MYO1B: variants seen among roughly 807,000 people sequenced by gnomAD.
MYO1B encodes unconventional myosin-Ib.
A neutral mutation model predicts 159.7 loss-of-function variants in MYO1B; 72 were observed. The ratio of observed to expected loss-of-function variants is 0.45; its 90% confidence interval spans 0.37 to 0.55. The LOEUF (loss-of-function observed/expected upper bound fraction) is 0.55, where lower values mean the gene tolerates loss of function less well. MYO1B is among the 20% of genes least tolerant of loss of function. MYO1B has a pLI of 0.00. For missense variants in MYO1B, 1,062 were observed against 1,364.8 expected, an observed-to-expected ratio of 0.78 and a Z score of 3.50; for synonymous variants, 468 against 473.8, an observed-to-expected ratio of 0.99 and a Z score of 0.16.
rs754714585 is a variant in MYO1B at position 191,381,483 on chromosome 2, A to G, written c.1207A>G (p.Ile403Val). Reference protein sequence around the residue: ...IFEDNSFEQFIINYCNEKLQQ... With the variant: ...IFEDNSFEQFVINYCNEKLQQ... ...ACAGGACAACAGCTTTGAGCAGTTC[A>G]TTATTAATTATTGTAACGAAAAGCT... Residue 403 changes from isoleucine to valine, a missense_variant, in exon 14 of 31, where the codon ATT (isoleucine) becomes GTT (valine). By Grantham distance (29) the Ile-to-Val change is conservative. Around this residue, in one of 5 missense-constraint regions of MYO1B, gnomAD observed 415 missense variants for 544.0 expected, o/e 0.76. Transcript: ENST00000392318. 1.7e-5 allele frequency: 28 copies of G among 1,613,528 alleles called. No individual in the cohort carries two copies. The highest frequency in any genetic ancestry group is 2.3e-5 in the Non-Finnish European group (27 of 1,179,704).
chr2:191,401,482 T>G (rs998505260), intron 23 of MYO1B: 1 of 152,202 alleles, frequency 6.6e-6, no homozygotes, highest in African/African-American at 2.4e-5. Flanking sequence ...ATACTCTCAC[T>G]AATCCCCAGG....
intron 17 of MYO1B, 125 bp from the exon 18 acceptor site, chr2:191,390,167 C>G: frequency 1.2e-6 from 1 of 822,206 alleles, no homozygotes; most frequent in East Asian, 2.7e-5. Context: ...AAAGTAATGA[C>G]TAGGTTTCTT....
chr2:191,349,870 A>G (rs542769804), intron 6 of MYO1B, among the ~76,000 whole-genome samples: 1 of 152,354 alleles, frequency 6.6e-6, no homozygotes, highest in African/African-American at 2.4e-5. Flanking sequence ...AATTGAGTAC[A>G]TATCCTCCAG....
chr2:191,345,011 C>T (rs1261623181), intron 5 of MYO1B, among the ~76,000 whole-genome samples: 1 of 152,144 alleles, frequency 6.6e-6, no homozygotes, highest in African/African-American at 2.4e-5. Context: ...CCGTAGTTCT[C>T]ATTTGAACAC....
chr2:191,285,377 T>C (rs1381997070), intron 2 of MYO1B, among the ~76,000 whole-genome samples: 1 of 152,152 alleles, frequency 6.6e-6, no homozygotes, highest in Non-Finnish European at 1.5e-5. Context: ...GAGTATAATA[T>C]GATGGTAGTG....
chr2:191,373,561 G>A (rs2126048030), intron 13 of MYO1B, among the ~76,000 whole-genome samples: 1 of 152,316 alleles, frequency 6.6e-6, no homozygotes, highest in South Asian at 2.1e-4. Flanking sequence ...GGATCACGAG[G>A]TCAGGAGATC....
At chr2:191,423,796 G>C in intron 30 of MYO1B, 41 bp from the exon 31 acceptor site, 1 of 1,589,168 alleles carries the variant, frequency 6.3e-7, no homozygotes, top group Non-Finnish European at 8.6e-7. Context: ...ATCATGAGCT[G>C]TTTTGTGTAT....
intron 3 of MYO1B, among the ~76,000 whole-genome samples, chr2:191,322,964 C>T (rs1371420701): frequency 6.6e-6 from 1 of 152,110 alleles, no homozygotes; most frequent in Non-Finnish European, 1.5e-5. Flanking sequence ...GTGGTTATTT[C>T]TTGATCATGT....
intron 2 of MYO1B, among the ~76,000 whole-genome samples, chr2:191,293,359 T>C (rs1459321267): frequency 6.6e-6 from 1 of 152,222 alleles, no homozygotes; most frequent in Non-Finnish European, 1.5e-5. Context: ...ATGGTAATGT[T>C]ACCGGAAAGG....
At position 191,387,958 on chromosome 2, in the gene MYO1B, AATCTGAATT is replaced by A. The variant is rs1215004107; in HGVS notation, c.1781+509_1781+517del. 7.9e-5 allele frequency: 13 copies of A among 164,264 alleles called. No homozygotes were observed. In the East Asian group the frequency reaches 2.2e-3, roughly 28 times the overall value. 10.2% of individuals were successfully genotyped at this position (164,264 alleles called of 1,614,324 possible). A position where few individuals can be genotyped will look rare whatever the true frequency, so the allele number is the denominator to read the frequency against. On this transcript the variant is annotated intron_variant, in intron 17 of 30. Coordinates refer to ENST00000392318, the MANE Select transcript of MYO1B (RefSeq NM_001130158.3). ...TGGAGAAAGTAATGATTCCTAAAGC[AATCTGAATT>A]TTTTTCAAGGCAGTAGAAAGACCTT...
At chr2:191,387,508 T>G (rs537751926) in intron 17 of MYO1B, 58 bp downstream of exon 17, 1 of 1,471,732 alleles carries the variant, frequency 6.8e-7, no homozygotes, top group African/African-American at 1.4e-5. Context: ...CGAAGGAATA[T>G]CATTTTTCCC....
At chr2:191,413,074 C>T (rs935371688) in intron 27 of MYO1B, among the ~76,000 whole-genome samples, 3 of 152,134 alleles carry the variant, frequency 2.0e-5, no homozygotes, top group African/African-American at 7.2e-5. Context: ...GCCATGATCA[C>T]CTCAAAAATA....
chr2:191,279,641 G>A (rs1687937969), intron 2 of MYO1B, among the ~76,000 whole-genome samples: 1 of 152,022 alleles, frequency 6.6e-6, no homozygotes, highest in South Asian at 2.1e-4. Flanking sequence ...CTTTGCCTTT[G>A]TTCATGGGTT....
At chr2:191,390,919 G>C (rs59840111) in intron 18 of MYO1B, among the ~76,000 whole-genome samples, 2,405 of 152,314 alleles carry the variant, frequency 0.016, 62 homozygotes, top group African/African-American at 0.054. Context: ...TAGACGATAC[G>C]AGCAGGTAGG....
In MYO1B at chr2:191,390,837, AT is replaced by A. The variant is rs140365107; in HGVS notation, c.1982+348del. 6.0e-3 allele frequency among the ~76,000 whole-genome samples: 921 copies of A among 152,354 alleles called. 2 individuals are homozygous for A. Among genetic ancestry groups the A allele is most frequent in the Non-Finnish European group, 8.3e-3 (564 of 68,030 alleles). ...CCACTTGTCACTTTTCCCATGAAGA[AT>A]TTGGCTGCAGAGAGAATCAGTGGAT... is the stretch of plus-strand genomic sequence containing the variant. On this transcript the variant is annotated intron_variant, in intron 18 of 30. Coordinates refer to ENST00000392318, the MANE Select transcript of MYO1B (RefSeq NM_001130158.3).
At chr2:191,248,927 C>A (rs1373018613) in intron 1 of MYO1B, among the ~76,000 whole-genome samples, 1 of 152,100 alleles carries the variant, frequency 6.6e-6, no homozygotes, top group African/African-American at 2.4e-5. Context: ...GTTTGGAAGC[C>A]CAGGTTAGGA....
chr2:191,420,419 G>A (rs375612955), intron 30 of MYO1B, among the ~76,000 whole-genome samples: 1 of 152,100 alleles, frequency 6.6e-6, no homozygotes, highest in Non-Finnish European at 1.5e-5. Flanking sequence ...TCATGGTAAG[G>A]GCGCTAGACA....
chr2:191,397,047 G>A (rs1021549487), intron 21 of MYO1B, among the ~76,000 whole-genome samples: 3 of 147,582 alleles, frequency 2.0e-5, no homozygotes, highest in African/African-American at 5.0e-5. Context: ...GCCTGCTTGC[G>A]TGTTCTCATA....
chr2:191,290,885 A>G (rs1329568219), intron 2 of MYO1B, among the ~76,000 whole-genome samples: 1 of 152,234 alleles, frequency 6.6e-6, no homozygotes, highest in Non-Finnish European at 1.5e-5. Context: ...AATAGAAGAT[A>G]AGCCAACAGC....
Sources: allele counts gnomAD v4.1 joint callset (sites outside exome capture counted in the v4.1 genomes callset), GRCh38; gene constraint gnomAD v4.1.1; regional missense constraint gnomAD v4.1.1; transcripts MANE v1.5; gene names NCBI Gene and HGNC (gene_info 2026-07-23, HGNC 2026-07-21).